Variants in PALLD observed in about 807,000 individuals in gnomAD.
PALLD encodes the protein palladin.
A neutral mutation model predicts 123.5 loss-of-function variants in PALLD; 61 were observed. The ratio of observed to expected loss-of-function variants is 0.49; its 90% CI spans 0.40 to 0.61. The LOEUF is 0.61. Ranked by LOEUF, PALLD falls within the 20% of genes least tolerant of loss-of-function variation. The pLI, the probability that PALLD is intolerant of heterozygous loss-of-function variation, is 0.00. For synonymous variants in PALLD, 465 were observed against 496.4 expected (o/e 0.94, Z 0.84); for missense variants, 1,273 against 1,377.0 (o/e 0.92, Z 1.20).
At chr4:168,514,292 T>C (rs1024257890) in intron 2 of PALLD, among the ~76,000 whole-genome samples, 4 of 152,198 alleles carry the variant, frequency 2.6e-5, no homozygotes, top group African/African-American at 9.6e-5. Flanking sequence ...TTGCTAGTGT[T>C]GGTTTCTTAA....
At chr4:168,708,581 G>A (rs893700009) in intron 8 of PALLD, among the ~76,000 whole-genome samples, 3 of 151,846 alleles carry the variant, frequency 2.0e-5, no homozygotes, top group Admixed American at 1.3e-4. Flanking sequence ...TTTTTCCCCC[G>A]TGGTTAACAT....
intron 5 of PALLD, among the ~76,000 whole-genome samples, chr4:168,683,634 T>C (rs538999113): frequency 2.4e-4 from 36 of 152,304 alleles, no homozygotes; most frequent in African/African-American, 6.7e-4. Flanking sequence ...AAAGTAGTTG[T>C]AATGAATTTA....
chr4:168,665,272 A>G (rs1230495878), intron 2 of PALLD, among the ~76,000 whole-genome samples: 1 of 152,152 alleles, frequency 6.6e-6, no homozygotes, highest in East Asian at 1.9e-4. Context: ...GGGCCTTTCT[A>G]TCCTATTGGA....
rs190813535 is a variant in PALLD, at chr4:168,761,094, A to C, written c.1964+49171A>C. Among the ~76,000 whole-genome samples, 742 of 152,364 alleles carry C rather than the reference A, an allele frequency of 4.9e-3. 4 individuals carry two copies. The highest frequency in any genetic ancestry group is 6.0e-3 in the Non-Finnish European group (409 of 68,038). ...CAATGTTAAGTTTGAACCAAAGACA[A>C]AAATCTCTGTTGTTCTTTCCTTCTT... On this transcript the variant is annotated intron_variant, in intron 10 of 21. Transcript: ENST00000505667.
At chr4:168,708,946 G>T (rs551684101) in intron 8 of PALLD, 82 bp from the exon 9 acceptor site, 13 of 1,196,424 alleles carry the variant, frequency 1.1e-5, no homozygotes, top group Admixed American at 5.1e-5. Flanking sequence ...TTTGTTTGTT[G>T]TGGAAAGGTG....
chr4:168,612,428 T>C (rs1030601947), intron 2 of PALLD, among the ~76,000 whole-genome samples: 1 of 152,158 alleles, frequency 6.6e-6, no homozygotes, highest in African/African-American at 2.4e-5. Context: ...GATTCGTGGA[T>C]GATCACTACA....
In PALLD at chr4:168,913,939, T is replaced by G. The variant is rs368472947; in HGVS notation, c.2635T>G (p.Cys879Gly). The G allele has an allele frequency of 1.1e-5, 17 of 1,610,612 alleles. No individual in the cohort carries two copies. In the East Asian group the frequency reaches 1.1e-4, roughly 11 times the overall value. ...MAANPQGRIS[C>G]TGRLMVQAVN... Reference sequence around the variant, plus strand: ...GATATTTCTACAGGGCCGCATCAGTTGTACTGGACGGCTAATGGTACAGGC... The same window carrying G: ...GATATTTCTACAGGGCCGCATCAGTGGTACTGGACGGCTAATGGTACAGGC... Residue 879 changes from cysteine (C) to glycine (G), a missense_variant, in exon 16 of 22, where the codon TGT becomes GGT. Transcript: ENST00000505667.
intron 10 of PALLD, among the ~76,000 whole-genome samples, chr4:168,810,530 C>T (rs1740921051): frequency 6.6e-6 from 1 of 152,088 alleles, no homozygotes; most frequent in Non-Finnish European, 1.5e-5. Flanking sequence ...GTGGCAGGCA[C>T]CTGTAATCCC....
chr4:168,581,482 T>G lies in PALLD; in HGVS notation c.908+69070T>G, dbSNP rs11943566. On this transcript the variant is annotated intron_variant, in intron 2 of 21. Coordinates refer to ENST00000505667, the MANE Select transcript of PALLD (RefSeq NM_001166108.2). ...GTCATATTTCATTGCTGTTTTGATT[T>G]GCATTTCTCTGATTAGTGATATCAA... Among the ~76,000 whole-genome samples, 616 of 152,260 alleles carry G rather than the reference T, an allele frequency of 4.0e-3. 7 individuals are homozygous for G. Among genetic ancestry groups the G allele is most frequent in the African/African-American group, 0.014 (589 of 41,556 alleles).
chr4:168,921,632 G>A lies in PALLD; in HGVS notation c.2949G>A (p.Val983=), dbSNP rs764562462. ...AHKMLVRENG[V]HSLIIEPVTS... ...AGATGCTGGTGCGTGAGAACGGGGT[G>A]CACTCTCTGATCATAGAGCCAGTCA... Residue 983 remains valine (V), a synonymous_variant, in exon 18 of 22, where the codon GTG becomes GTA. Transcript: ENST00000505667. 3 of 1,611,114 alleles carry A rather than the reference G, an allele frequency of 1.9e-6. No homozygotes were observed. The highest frequency in any genetic ancestry group is 2.5e-6 in the Non-Finnish European group (3 of 1,179,566).
At position 168,679,180 on chromosome 4, in the gene PALLD, G is replaced by GGT. The variant is rs534084307; in HGVS notation, c.1088-2142_1088-2141dup. Among the ~76,000 whole-genome samples, 677 of 118,924 alleles carry GGT rather than the reference G, an allele frequency of 5.7e-3. 4 individuals are homozygous for GGT. The highest frequency in any genetic ancestry group is 0.01 in the Non-Finnish European group (569 of 55,998). The allele number at this position is 118,924 out of a possible 152,430, so 78.0% of individuals were successfully genotyped here. A position where few individuals can be genotyped will look rare whatever the true frequency, so the allele number is the denominator to read the frequency against. On this transcript the variant is annotated intron_variant, in intron 3 of 21. Transcript: ENST00000505667. ...GGTGTGTGTGCATGGTGTGTGGTGGGGTGTGTGTGTGGTGGGGTGAGTATG... is the reference window on the plus strand; with the variant it reads ...GGTGTGTGTGCATGGTGTGTGGTGGGGTGTGTGTGTGTGGTGGGGTGAGTATG...
intron 3 of PALLD, among the ~76,000 whole-genome samples, chr4:168,671,007 G>A (rs1248833849): frequency 8.0e-6 from 1 of 125,276 alleles, no homozygotes; most frequent in African/African-American, 3.1e-5. Context: ...AACAGAGCGA[G>A]GCTCAGTCTC....
chr4:168,905,782 T>C (rs1757612584), intron 15 of PALLD, among the ~76,000 whole-genome samples: 1 of 103,056 alleles, frequency 9.7e-6, no homozygotes, highest in Non-Finnish European at 2.0e-5. Flanking sequence ...CGGAACTTGC[T>C]TTTTTTTCTT....
chr4:168,581,418 T>C (rs879545358), intron 2 of PALLD, among the ~76,000 whole-genome samples: 6 of 152,160 alleles, frequency 3.9e-5, no homozygotes, highest in Non-Finnish European at 8.8e-5. Context: ...ACGCTTAATC[T>C]TTTGTCTTTT....
chr4:168,919,940 C>T (rs1761094424), intron 17 of PALLD, among the ~76,000 whole-genome samples: 1 of 152,152 alleles, frequency 6.6e-6, no homozygotes, highest in African/African-American at 2.4e-5. Context: ...TAACTATCCA[C>T]TGGGTAGGTT....
intron 10 of PALLD, among the ~76,000 whole-genome samples, chr4:168,889,551 A>C (rs1753867291): frequency 6.6e-6 from 1 of 152,164 alleles, no homozygotes; most frequent in East Asian, 1.9e-4. Flanking sequence ...CGTATACCTC[A>C]ATAAAATGAA....
At chr4:168,860,915 C>T (rs1460811599) in intron 10 of PALLD, among the ~76,000 whole-genome samples, 1 of 152,144 alleles carries the variant, frequency 6.6e-6, no homozygotes, top group African/African-American at 2.4e-5. Context: ...TATTTGAAAA[C>T]ACAATGCCCA....
intron 2 of PALLD, among the ~76,000 whole-genome samples, chr4:168,599,993 A>G (rs62335510): frequency 0.11 from 15,924 of 139,682 alleles, 1,031 homozygotes; most frequent in African/African-American, 0.13. Flanking sequence ...ATACATGTGT[A>G]TACACACACG....
chr4:168,643,373 TTTGCAATG>T (rs1346667784), intron 2 of PALLD, among the ~76,000 whole-genome samples: 3 of 152,198 alleles, frequency 2.0e-5, no homozygotes, highest in African/African-American at 7.2e-5. Flanking sequence ...AGGAACTGGC[TTTGCAATG>T]TTAACAGTTA....
Sources: allele counts gnomAD v4.1 joint callset (sites outside exome capture counted in the v4.1 genomes callset), GRCh38; gene constraint gnomAD v4.1.1; transcripts MANE v1.5; gene names NCBI Gene and HGNC (gene_info 2026-07-23, HGNC 2026-07-21).